Variants in GNL3L observed in about 807,000 individuals in gnomAD.
GNL3L encodes G protein nucleolar 3 like, also known as guanine nucleotide-binding protein-like 3-like protein.
A neutral mutation model predicts 42.9 loss-of-function variants in GNL3L; 4 were observed. The observed-to-expected ratio is 0.09, with a 90% CI of 0.05 to 0.21. GNL3L has a LOEUF of 0.21. Ranked by LOEUF, GNL3L falls within the 10% of genes least tolerant of loss-of-function variation. The pLI is 1.00. For missense variants in GNL3L, 412 were observed against 481.7 expected (o/e 0.86, Z 1.36); for synonymous variants, 159 against 176.3 (o/e 0.90, Z 0.78).
intron 14 of GNL3L, among the ~76,000 whole-genome samples, chrX:54,556,270 G>A (rs1925092107): frequency 9.0e-6 from 1 of 110,960 alleles, no homozygotes; most frequent in Non-Finnish European, 1.9e-5. Context: ...AAGGTGAAGG[G>A]GAAGCAGGCA....
intron 16 of GNL3L, among the ~76,000 whole-genome samples, chrX:54,607,046 TTCTTTCTTTC>T (rs1403555000): frequency 2.8e-5 from 2 of 71,241 alleles, no homozygotes; most frequent in East Asian, 3.9e-4. Context: ...CTTTCTTTCT[TTCTTTCTTTC>T]TTTCTTTCTT....
At chrX:54,604,579 A>G (rs1269676574) in intron 16 of GNL3L, among the ~76,000 whole-genome samples, 1 of 111,857 alleles carries the variant, frequency 8.9e-6, no homozygotes, top group Non-Finnish European at 1.9e-5. Context: ...CTGAGGTGGG[A>G]ATGAGCTTGG....
At position 54,610,818 on chromosome X, in the gene GNL3L, T is replaced by A. The variant is rs574639695; in HGVS notation, c.*46-10027T>A. Among the ~76,000 whole-genome samples, 9 of 111,699 alleles carry A rather than the reference T, an allele frequency of 8.1e-5. No homozygotes were observed. The South Asian group carries it at 3.4e-3, about 42-fold the overall frequency. Reference sequence around the variant, plus strand: ...ATTGGTCTGTAGTTTTCTTTTTTGGTTATATCCTTTCCTGGTTTTGGTATT... The same window carrying A: ...ATTGGTCTGTAGTTTTCTTTTTTGGATATATCCTTTCCTGGTTTTGGTATT... On this transcript the variant is annotated intron_variant, in intron 16 of 16. Transcript: ENST00000674498.
chrX:54,576,660 T>G (rs1925638665), intron 16 of GNL3L, among the ~76,000 whole-genome samples: 1 of 109,898 alleles, frequency 9.1e-6, no homozygotes, highest in African/African-American at 3.3e-5. Context: ...GAGATGGAGT[T>G]TCACCGTGTT....
intron 16 of GNL3L, among the ~76,000 whole-genome samples, chrX:54,620,285 C>T (rs889442243): frequency 1.8e-5 from 2 of 111,082 alleles, no homozygotes; most frequent in Non-Finnish European, 3.8e-5. Flanking sequence ...ACCCCCGCAC[C>T]CCCATTACCC....
chrX:54,625,284 G>T (rs112237315), downstream of GNL3L, among the ~76,000 whole-genome samples: 16,221 of 96,336 alleles, frequency 0.17, 1,951 homozygotes, highest in African/African-American at 0.5. Flanking sequence ...CTCTGGTTTT[G>T]TTTTGTTTTT....
At chrX:54,553,248 G>C (rs1472246064) in intron 13 of GNL3L, among the ~76,000 whole-genome samples, 1 of 112,048 alleles carries the variant, frequency 8.9e-6, no homozygotes. Flanking sequence ...GCCCTCCTCA[G>C]ATATTACTCT....
downstream of GNL3L, among the ~76,000 whole-genome samples, chrX:54,621,765 C>G (rs1352769435): frequency 9.1e-6 from 1 of 110,456 alleles, no homozygotes; most frequent in Non-Finnish European, 1.9e-5. Context: ...GTGCTCACCC[C>G]ACTGCACTCC....
intron 16 of GNL3L, among the ~76,000 whole-genome samples, chrX:54,587,827 C>T (rs1445853772): frequency 1.8e-5 from 2 of 110,503 alleles, no homozygotes; most frequent in Non-Finnish European, 3.8e-5. Flanking sequence ...ATTATAGGCA[C>T]CTACCATCAT....
Position 54,554,684 on chromosome X carries a change from G to T in GNL3L, c.1438G>T (p.Val480Leu). Residue 480 changes from valine (V) to leucine (L), a missense_variant, in exon 14 of 16, where the codon GTG (valine) becomes TTG (leucine). Val to Leu is a conservative substitution (Grantham distance 32, BLOSUM62 1). Coordinates refer to ENST00000360845, the MANE Select transcript of GNL3L (RefSeq NM_001184819.2). The part of the protein sequence containing the change: ...IADAIENKTT[V>L]YKIGDLTGYC... ...AGATGCCATTGAAAATAAAACCACC[G>T]TGTATAAGGTACCTGTCATCTTTGT... 1.7e-6 allele frequency: 2 copies of T among 1,206,876 alleles called. No homozygotes were observed. Among genetic ancestry groups the T allele is most frequent in the Non-Finnish European group, 1.1e-6 (1 of 891,294 alleles).
chrX:54,605,628 A>G (rs1926050390), intron 16 of GNL3L, among the ~76,000 whole-genome samples: 1 of 111,537 alleles, frequency 9.0e-6, no homozygotes, highest in African/African-American at 3.3e-5. Context: ...TAGGTGAACC[A>G]TTGTGTTGGG....
At chrX:54,624,690 C>A (rs1183192412), downstream of GNL3L, among the ~76,000 whole-genome samples, 1 of 110,032 alleles carries the variant, frequency 9.1e-6, no homozygotes, top group African/African-American at 3.3e-5. Context: ...ATCCGCCTGC[C>A]TCGGCCTCCC....
chrX:54,557,281 T>A (rs1925123143), intron 14 of GNL3L, among the ~76,000 whole-genome samples: 1 of 110,173 alleles, frequency 9.1e-6, no homozygotes, highest in Admixed American at 9.7e-5. Context: ...AATTTTTTTT[T>A]AAGACAGGGT....
chrX:54,552,724 C>T (rs1924984679), intron 13 of GNL3L, among the ~76,000 whole-genome samples: 1 of 111,834 alleles, frequency 8.9e-6, no homozygotes, highest in South Asian at 3.7e-4. Context: ...TCTCTTGGGA[C>T]CTGGAATGGA....
At chrX:54,602,760 G>T (rs1274589482) in intron 16 of GNL3L, among the ~76,000 whole-genome samples, 1 of 111,397 alleles carries the variant, frequency 9.0e-6, no homozygotes, top group African/African-American at 3.3e-5. Flanking sequence ...AACTGTGGGA[G>T]ACCTCTTGTT....
intron 14 of GNL3L, among the ~76,000 whole-genome samples, chrX:54,554,961 G>T (rs187392215): frequency 1.5e-4 from 17 of 111,006 alleles, no homozygotes; most frequent in African/African-American, 5.2e-4. Flanking sequence ...ACTTGCAAAC[G>T]ACTCTTTCTT....
At chrX:54,555,091 C>T (rs189506425) in intron 14 of GNL3L, among the ~76,000 whole-genome samples, 86 of 110,682 alleles carry the variant, frequency 7.8e-4, no homozygotes, top group African/African-American at 2.8e-3. Flanking sequence ...TGGCTCACTG[C>T]AGCCTTTGCC....
At chrX:54,611,755 G>A (rs1378576049) in intron 16 of GNL3L, among the ~76,000 whole-genome samples, 3 of 111,391 alleles carry the variant, frequency 2.7e-5, no homozygotes, top group Non-Finnish European at 1.9e-5. Flanking sequence ...TTGATTTCCA[G>A]TCTTATTCCA....
intron 16 of GNL3L, among the ~76,000 whole-genome samples, chrX:54,579,880 G>A (rs990768808): frequency 3.7e-5 from 4 of 108,716 alleles, no homozygotes; most frequent in African/African-American, 1.0e-4. Flanking sequence ...GTTTTGCCAT[G>A]TTGGCCAGGC....
Sources: allele counts gnomAD v4.1 joint callset (sites outside exome capture counted in the v4.1 genomes callset), GRCh38; gene constraint gnomAD v4.1.1; transcripts MANE v1.5; gene names NCBI Gene and HGNC (gene_info 2026-07-23, HGNC 2026-07-21).